Variants in GRHL2 observed in about 807,000 individuals in gnomAD.
GRHL2 encodes the protein grainyhead-like protein 2 homolog.
Under a neutral mutation model 83.8 loss-of-function variants are expected in GRHL2, and 21 were observed. The ratio of observed to expected loss-of-function variants is 0.25; its 90% CI spans 0.18 to 0.36. The LOEUF (loss-of-function observed/expected upper bound fraction) is 0.36. Among genes scored for constraint, GRHL2 ranks in the 10% least tolerant of loss-of-function variants. The probability of loss-of-function intolerance (pLI) is 1.00; values close to 1 mark genes in which losing one functional copy is unlikely to be tolerated. For synonymous variants in GRHL2, 280 were observed against 278.9 expected (o/e 1.00, Z -0.04); for missense variants, 623 against 781.8 (o/e 0.80, Z 2.42).
At chr8:101,493,206 G>A (rs1477376114) in intron 1 of GRHL2, among the ~76,000 whole-genome samples, 2 of 152,188 alleles carry the variant, frequency 1.3e-5, no homozygotes, top group Admixed American at 6.5e-5. Context: ...CCTTCGATTT[G>A]TCCAAAGGGC....
intron 5 of GRHL2, among the ~76,000 whole-genome samples, chr8:101,573,462 T>C (rs1399091421): frequency 1.3e-5 from 2 of 152,174 alleles, no homozygotes; most frequent in Non-Finnish European, 2.9e-5. Context: ...ACCATCTGGT[T>C]TATGGGCCAC....
At chr8:101,652,510 GGTGT>G (rs1813679276) in intron 14 of GRHL2, among the ~76,000 whole-genome samples, 1 of 73,120 alleles carries the variant, frequency 1.4e-5, no homozygotes, top group Non-Finnish European at 2.5e-5. Context: ...GTGTGTGTGT[GGTGT>G]GTGTGTGGTG....
At chr8:101,534,659 G>C (rs1472386272) in intron 1 of GRHL2, among the ~76,000 whole-genome samples, 1 of 152,044 alleles carries the variant, frequency 6.6e-6, no homozygotes, top group Non-Finnish European at 1.5e-5. Flanking sequence ...GCAAGATGAT[G>C]GTGGCTTGGA....
chr8:101,495,431 A>G (rs1389344879), intron 1 of GRHL2, among the ~76,000 whole-genome samples: 3 of 152,232 alleles, frequency 2.0e-5, no homozygotes, highest in African/African-American at 7.2e-5. Context: ...GCTATCGCCA[A>G]TTAAAACAAA....
At chr8:101,603,675 G>T (rs187153717) in intron 8 of GRHL2, among the ~76,000 whole-genome samples, 1 of 152,208 alleles carries the variant, frequency 6.6e-6, no homozygotes, top group Non-Finnish European at 1.5e-5. Context: ...CCCAAAACCC[G>T]TTTTGCTGGT....
At chr8:101,671,884 T>TCCGCTGTTCTACAGCCAC (rs1227750096), downstream of GRHL2, among the ~76,000 whole-genome samples, 1 of 152,084 alleles carries the variant, frequency 6.6e-6, no homozygotes, top group Non-Finnish European at 1.5e-5. Flanking sequence ...TTCACCAATA[T>TCCGCTGTTCTACAGCCAC]CGACTGTTCT....
chr8:101,623,832 GTACACAGTAGGACAGTTTACAA>G (rs1813014963), intron 9 of GRHL2, among the ~76,000 whole-genome samples: 1 of 152,066 alleles, frequency 6.6e-6, no homozygotes, highest in African/African-American at 2.4e-5. Context: ...CAGTAGGACA[GTACACAGTAGGACAGTTTACAA>G]TACACAGTAG....
chr8:101,607,842 G>A (rs1812663008), intron 8 of GRHL2, among the ~76,000 whole-genome samples: 1 of 152,192 alleles, frequency 6.6e-6, no homozygotes. Flanking sequence ...GGTAATGGAT[G>A]TTAGGAAAAG....
chr8:101,493,089 T>C (rs1211521831), intron 1 of GRHL2, among the ~76,000 whole-genome samples: 3 of 152,182 alleles, frequency 2.0e-5, no homozygotes, highest in Non-Finnish European at 4.4e-5. Flanking sequence ...TACTTGGATA[T>C]TGCCAGAGGT....
At chr8:101,677,163 G>A in the GRHL2 span, among the ~76,000 whole-genome samples, 2 of 151,622 alleles carry the variant, frequency 1.3e-5, no homozygotes, top group African/African-American at 4.9e-5. Flanking sequence ...GTATACATAT[G>A]TAACAAACTT....
At chr8:101,526,611 A>G (rs1407711906) in intron 1 of GRHL2, among the ~76,000 whole-genome samples, 1 of 143,920 alleles carries the variant, frequency 6.9e-6, no homozygotes, top group African/African-American at 2.6e-5. Flanking sequence ...GAAGTGATAG[A>G]CTCTCGCTTG....
intron 1 of GRHL2, among the ~76,000 whole-genome samples, chr8:101,502,746 C>G (rs184930347): frequency 6.6e-6 from 1 of 151,818 alleles, no homozygotes; most frequent in Non-Finnish European, 1.5e-5. Context: ...CCTCCTCCTC[C>G]TCCTCTTCCT....
chr8:101,605,818 G>A (rs1274208407), intron 8 of GRHL2, among the ~76,000 whole-genome samples: 4 of 152,188 alleles, frequency 2.6e-5, no homozygotes, highest in Non-Finnish European at 5.9e-5. Context: ...AAAGATCAGT[G>A]CATGCTTTCA....
intron 1 of GRHL2, among the ~76,000 whole-genome samples, chr8:101,515,023 T>TTCCTTCCTTCCTTCCTTCCA (rs1250396478): frequency 2.7e-4 from 39 of 145,434 alleles, no homozygotes; most frequent in African/African-American, 1.0e-3. Context: ...CCCCTTCATT[T>TTCCTTCCTTCCTTCCTTCCA]TCCTTCCTTC....
rs150781256 is a variant in GRHL2 at position 101,539,589 on chromosome 8, T to A, written c.21-3652T>A. Among the ~76,000 whole-genome samples the A allele has an allele frequency of 2.3e-3, 345 of 152,312 alleles. 3 individuals carry two copies. Among genetic ancestry groups the A allele is most frequent in the African/African-American group, 7.9e-3 (329 of 41,568 alleles). The stretch of plus-strand genomic sequence containing the variant: ...CATATCCTGTCTCCAAATCCAACCC[T>A]GCATATTTAGAAGTTTTCTACATGG... On this transcript the variant is annotated intron_variant, in intron 1 of 15. Transcript: ENST00000646743.
chr8:101,546,078 C>T (rs548923376), intron 2 of GRHL2, among the ~76,000 whole-genome samples: 6 of 151,870 alleles, frequency 4.0e-5, no homozygotes, highest in South Asian at 2.1e-4. Context: ...GATGGGGTTT[C>T]GCCATATTGG....
At chr8:101,540,129 C>A (rs1003919112) in intron 1 of GRHL2, among the ~76,000 whole-genome samples, 3 of 152,076 alleles carry the variant, frequency 2.0e-5, no homozygotes, top group Non-Finnish European at 4.4e-5. Flanking sequence ...TTGATATATC[C>A]ACAAATTTTA....
intron 1 of GRHL2, chr8:101,529,432 CAAA>C (rs11402395): frequency 4.3e-5 from 6 of 139,146 alleles, no homozygotes; most frequent in African/African-American, 5.4e-5. Flanking sequence ...GACTCCCTCT[CAAA>C]AAAAAAAAAA....
At chr8:101,644,277 C>T (rs370581820) in intron 13 of GRHL2, 52 bp downstream of exon 13, 99 of 1,441,454 alleles carry the variant, frequency 6.9e-5, no homozygotes, top group Non-Finnish European at 9.0e-5. Context: ...GGGTGTCTCT[C>T]CCAAGAAGAG....
Sources: gnomAD v4.1 joint callset for allele counts (sites outside exome capture counted in the v4.1 genomes callset) on GRCh38, gnomAD v4.1.1 for gene constraint, MANE v1.5 for transcripts, NCBI Gene and HGNC (gene_info 2026-07-23, HGNC 2026-07-21) for gene names.